The following KLF8 variants were observed in gnomAD, a reference collection of about 807,000 sequenced individuals.
KLF8 encodes Krueppel-like factor 8.
KLF8 carries 10 observed loss-of-function variants against 18.2 expected under a neutral mutation model. The ratio of observed to expected loss-of-function variants is 0.55; its 90% CI spans 0.34 to 0.93. KLF8 has a LOEUF of 0.93. Among genes scored for constraint, KLF8 ranks in the 40% least tolerant of loss-of-function variants. The pLI, the probability that KLF8 is intolerant of heterozygous loss-of-function variation, is 0.02. For missense variants in KLF8, 264 were observed against 277.9 expected (o/e 0.95, Z 0.36); for synonymous variants, 109 against 97.3 (o/e 1.12, Z -0.71).
rs777797415 is a variant in KLF8 at position 56,247,253 on chromosome X, C to G, written c.8-2978C>G. Among the ~76,000 whole-genome samples the G allele has an allele frequency of 2.7e-5, 3 of 111,434 alleles. No homozygotes were observed. In the South Asian group the frequency reaches 1.1e-3, roughly 42 times the overall value. The stretch of plus-strand genomic sequence containing the variant: ...AGCATAATGGTGTATATTTGTGTAT[C>G]TAAACATAGAAAAGGCACAGTTAAA... On this transcript the variant is annotated intron_variant, in intron 1 of 5. Coordinates refer to ENST00000468660, the MANE Select transcript of KLF8 (RefSeq NM_007250.5).
the KLF8 span, among the ~76,000 whole-genome samples, chrX:56,138,819 C>A: frequency 1.8e-5 from 2 of 110,838 alleles, no homozygotes; most frequent in Non-Finnish European, 3.8e-5. Flanking sequence ...CTAACCAGAG[C>A]AATAAGGCAA....
chrX:55,956,794 A>G, the KLF8 span, among the ~76,000 whole-genome samples: 1 of 111,951 alleles, frequency 8.9e-6, no homozygotes, highest in Admixed American at 9.5e-5. Context: ...GATTCTGAAT[A>G]TTAACCTTTT....
chrX:56,041,170 G>A, the KLF8 span, among the ~76,000 whole-genome samples: 1 of 109,657 alleles, frequency 9.1e-6, no homozygotes, highest in African/African-American at 3.3e-5. Context: ...TGTCGCCCAG[G>A]CTGGAGTGCA....
chrX:56,079,292 T>C, the KLF8 span, among the ~76,000 whole-genome samples: 1 of 111,225 alleles, frequency 9.0e-6, no homozygotes, highest in Non-Finnish European at 1.9e-5. Context: ...GCTATAAATT[T>C]CCCTCTACAC....
the KLF8 span, among the ~76,000 whole-genome samples, chrX:56,075,669 T>C: frequency 8.9e-6 from 1 of 111,811 alleles, no homozygotes; most frequent in Non-Finnish European, 1.9e-5. Flanking sequence ...CAACCCCACC[T>C]ACCCTTCCCA....
At chrX:55,956,554 C>A in the KLF8 span, among the ~76,000 whole-genome samples, 1 of 111,577 alleles carries the variant, frequency 9.0e-6, no homozygotes, top group Admixed American at 9.5e-5. Flanking sequence ...TTCTCTGCAT[C>A]CTGACCAATA....
At chrX:56,143,895 G>A in the KLF8 span, among the ~76,000 whole-genome samples, 1 of 112,105 alleles carries the variant, frequency 8.9e-6, no homozygotes, top group Non-Finnish European at 1.9e-5. Flanking sequence ...AAAATCCACG[G>A]GGTGAAATCT....
At chrX:56,033,636 C>A in the KLF8 span, among the ~76,000 whole-genome samples, 9 of 111,875 alleles carry the variant, frequency 8.0e-5, no homozygotes, top group African/African-American at 2.9e-4. Context: ...CACATTCCCA[C>A]CAACAGTATA....
chrX:55,964,285 T>C, the KLF8 span, among the ~76,000 whole-genome samples: 1 of 111,546 alleles, frequency 9.0e-6, no homozygotes, highest in Non-Finnish European at 1.9e-5. Context: ...TTGAATGAAA[T>C]TGAGATGCAA....
the KLF8 span, among the ~76,000 whole-genome samples, chrX:56,038,013 T>C: frequency 1.8e-5 from 2 of 111,378 alleles, no homozygotes; most frequent in African/African-American, 6.5e-5. Context: ...ACCATCCTTC[T>C]ACTCTCTATG....
the KLF8 span, among the ~76,000 whole-genome samples, chrX:56,169,233 T>C: frequency 9.0e-6 from 1 of 111,343 alleles, no homozygotes; most frequent in Non-Finnish European, 1.9e-5. Context: ...AAGACTCAGA[T>C]TTACCGGTTT....
At chrX:56,104,557 TG>T in the KLF8 span, among the ~76,000 whole-genome samples, 1 of 111,796 alleles carries the variant, frequency 8.9e-6, no homozygotes, top group Non-Finnish European at 1.9e-5. Context: ...GGATCGGTGG[TG>T]ATATTCCCTT....
the KLF8 span, among the ~76,000 whole-genome samples, chrX:56,068,569 C>T: frequency 1.8e-5 from 2 of 111,566 alleles, no homozygotes; most frequent in Non-Finnish European, 3.8e-5. Flanking sequence ...CCACTCGCAC[C>T]ACTGGCAACC....
At chrX:55,934,442 C>T in the KLF8 span, among the ~76,000 whole-genome samples, 12 of 111,997 alleles carry the variant, frequency 1.1e-4, no homozygotes, top group Non-Finnish European at 2.1e-4. Flanking sequence ...ATGCAATTGT[C>T]AGAAGCAGAA....
At chrX:56,009,482 A>G in the KLF8 span, among the ~76,000 whole-genome samples, 1 of 112,410 alleles carries the variant, frequency 8.9e-6, no homozygotes, top group South Asian at 3.7e-4. Context: ...AAAGCTAAAT[A>G]TAAACTCATG....
chrX:55,935,641 A>G, the KLF8 span, among the ~76,000 whole-genome samples: 1 of 112,438 alleles, frequency 8.9e-6, no homozygotes, highest in South Asian at 3.6e-4. Flanking sequence ...CTAGAGCCAC[A>G]TGGATAAATC....
the KLF8 span, among the ~76,000 whole-genome samples, chrX:55,954,203 G>A: frequency 2.7e-5 from 3 of 110,736 alleles, no homozygotes; most frequent in Admixed American, 2.9e-4. Context: ...GTGCTGCAAT[G>A]CACATATTTT....
At chrX:56,075,208 A>G in the KLF8 span, among the ~76,000 whole-genome samples, 1 of 110,657 alleles carries the variant, frequency 9.0e-6, no homozygotes, top group Non-Finnish European at 1.9e-5. Context: ...TGCTATTGTA[A>G]AAGGAATTAT....
chrX:56,046,989 T>C, the KLF8 span, among the ~76,000 whole-genome samples: 1 of 111,653 alleles, frequency 9.0e-6, no homozygotes, highest in African/African-American at 3.2e-5. Context: ...TTCTCTCTCA[T>C]GAACACCAAT....
Sources: gnomAD v4.1 joint callset for allele counts (sites outside exome capture counted in the v4.1 genomes callset) on GRCh38, gnomAD v4.1.1 for gene constraint, MANE v1.5 for transcripts, NCBI Gene and HGNC (gene_info 2026-07-23, HGNC 2026-07-21) for gene names.